CNTNAP4: variants seen among roughly 807,000 people sequenced by gnomAD.
CNTNAP4 encodes the protein contactin associated protein family member 4, also known as contactin-associated protein-like 4.
CNTNAP4 carries 98 observed loss-of-function variants against 148.4 expected under a neutral mutation model. The observed-to-expected ratio is 0.66, with a 90% CI of 0.56 to 0.78. CNTNAP4 has a LOEUF of 0.78. Ranked by LOEUF, CNTNAP4 falls within the 30% of genes least tolerant of loss-of-function variation. CNTNAP4 has a pLI of 0.00. For missense variants in CNTNAP4, 1,935 were observed against 1,565.6 expected, an observed-to-expected ratio of 1.24 and a Z score of -3.98; for synonymous variants, 730 against 565.1, an observed-to-expected ratio of 1.29 and a Z score of -4.14.
rs564119303 is a variant in CNTNAP4 at position 76,392,057 on chromosome 16, C to T, written c.391-35395C>T. Reference sequence around the variant, plus strand: ...CCAGGCTGGAGTGAAGTGGCACAATCTCGGCTCACTGCAACGAGTTCTGCC... The same window carrying T: ...CCAGGCTGGAGTGAAGTGGCACAATTTCGGCTCACTGCAACGAGTTCTGCC... On this transcript the variant is annotated intron_variant, in intron 3 of 23. Coordinates refer to ENST00000611870, the MANE Select transcript of CNTNAP4 (RefSeq NM_033401.5). Among the ~76,000 whole-genome samples, 4 of 152,290 alleles carry T rather than the reference C, an allele frequency of 2.6e-5. No individual in the cohort carries two copies. In the East Asian group the frequency reaches 5.8e-4, roughly 22 times the overall value.
In CNTNAP4 at chr16:76,489,767, G is replaced by A; in HGVS notation, c.1964G>A (p.Gly655Glu). The A allele has an allele frequency of 6.2e-7, 1 of 1,604,768 alleles. No individual in the cohort carries two copies. The highest frequency in any genetic ancestry group is 8.5e-7 in the Non-Finnish European group (1 of 1,175,296). The change falls in exon 13 of 24, where the codon GGG becomes GAG. Residue 655 changes from glycine to glutamate, a missense_variant. Gly to Glu is a moderately conservative substitution (Grantham distance 98). Transcript: ENST00000611870. The part of the protein sequence containing the change: ...RNTNPENPYA[G>E]FFEYVASMEQ... ...ACTAATCCAGAGAACCCATATGCTG[G>A]GTTTTTCGAGTATGTGGCCAGCATG...
chr16:76,353,532 C>A (rs572855373), intron 2 of CNTNAP4, among the ~76,000 whole-genome samples: 1 of 152,140 alleles, frequency 6.6e-6, no homozygotes, highest in Admixed American at 6.5e-5. Context: ...TCACCCTTTG[C>A]GGTTGTTAAG....
intron 7 of CNTNAP4, among the ~76,000 whole-genome samples, chr16:76,451,599 ATGTGTGTGTGTGTG>A (rs71134761): frequency 7.1e-6 from 1 of 141,362 alleles, no homozygotes; most frequent in East Asian, 2.1e-4. Context: ...TTTTAGATAG[ATGTGTGTGTGTGTG>A]TGTGTGTGTG....
intron 19 of CNTNAP4, among the ~76,000 whole-genome samples, chr16:76,538,641 A>C (rs959179223): frequency 6.6e-6 from 1 of 152,072 alleles, no homozygotes; most frequent in African/African-American, 2.4e-5. Context: ...CCATATGGCT[A>C]TCAATATTTG....
rs1249226777 is a variant in CNTNAP4 at position 76,509,397 on chromosome 16, C to T, written c.2365+10703C>T. 2.1e-5 allele frequency among the ~76,000 whole-genome samples: 2 copies of T among 97,018 alleles called. 1 individual carries two copies. The highest frequency in any genetic ancestry group is 5.8e-5 in the Non-Finnish European group (2 of 34,190). The allele number at this position is 97,018 out of a possible 152,430, so 63.6% of individuals were successfully genotyped here. On this transcript the variant is annotated intron_variant, in intron 15 of 23. Coordinates refer to ENST00000611870, the MANE Select transcript of CNTNAP4 (RefSeq NM_033401.5). ...TAAAGAATTGCCCTAGGTGGAGAAT[C>T]ACCACTTTAGACAAAATAATTTTAA...
intron 13 of CNTNAP4, 138 bp downstream of exon 13, chr16:76,490,021 G>A (rs972914192): frequency 1.5e-5 from 7 of 463,472 alleles, no homozygotes; most frequent in Non-Finnish European, 2.6e-5. Flanking sequence ...TAGTAAACAT[G>A]TCACAGTCTG....
intron 1 of CNTNAP4, among the ~76,000 whole-genome samples, chr16:76,285,869 G>T (rs1958859715): frequency 6.6e-6 from 1 of 151,612 alleles, no homozygotes; most frequent in Admixed American, 6.6e-5. Flanking sequence ...ACAGACATTT[G>T]ATTCCCTTGG....
intron 1 of CNTNAP4, among the ~76,000 whole-genome samples, chr16:76,300,599 A>C (rs1959856349): frequency 6.6e-6 from 1 of 152,232 alleles, no homozygotes; most frequent in African/African-American, 2.4e-5. Flanking sequence ...AAATGAGACC[A>C]ATGTCATCAG....
chr16:76,419,772 A>G (rs2079114698), intron 3 of CNTNAP4, among the ~76,000 whole-genome samples: 1 of 152,004 alleles, frequency 6.6e-6, no homozygotes, highest in South Asian at 2.1e-4. Flanking sequence ...AAGTCCGAGA[A>G]CAAGGTGCTA....
At chr16:76,482,900 G>T (rs765622704) in intron 12 of CNTNAP4, among the ~76,000 whole-genome samples, 4 of 152,104 alleles carry the variant, frequency 2.6e-5, no homozygotes, top group African/African-American at 4.8e-5. Flanking sequence ...TAGACTTCAT[G>T]GTTCTCAAAC....
intron 4 of CNTNAP4, among the ~76,000 whole-genome samples, chr16:76,442,244 A>G (rs1368606695): frequency 1.3e-5 from 2 of 152,136 alleles, no homozygotes; most frequent in Non-Finnish European, 2.9e-5. Flanking sequence ...GGTCTCTAAA[A>G]GGTAGAAAAG....
At chr16:76,511,632 T>G (rs2083028679) in intron 15 of CNTNAP4, among the ~76,000 whole-genome samples, 1 of 152,160 alleles carries the variant, frequency 6.6e-6, no homozygotes, top group South Asian at 2.1e-4. Flanking sequence ...TTATTTTAAC[T>G]TTTATATTTT....
intron 4 of CNTNAP4, among the ~76,000 whole-genome samples, chr16:76,436,396 C>T (rs1210295473): frequency 2.0e-5 from 3 of 152,122 alleles, no homozygotes; most frequent in African/African-American, 4.8e-5. Context: ...TTCATTTTAA[C>T]AGTAGACATG....
Position 76,560,239 on chromosome 16 carries a change from T to C in CNTNAP4, c.*1556T>C, listed in dbSNP as rs1376055266. ...TACACCAGAAGAATCGGGAAATATGTAAATTTAGCATTACTATCATCTTAT... is the reference window on the plus strand; with the variant it reads ...TACACCAGAAGAATCGGGAAATATGCAAATTTAGCATTACTATCATCTTAT... On this transcript the variant is annotated 3_prime_UTR_variant, in exon 24 of 24. Coordinates refer to ENST00000611870, the MANE Select transcript of CNTNAP4 (RefSeq NM_033401.5). Among the ~76,000 whole-genome samples the C allele has an allele frequency of 1.3e-5, 2 of 152,228 alleles. No homozygotes were observed. Among genetic ancestry groups the C allele is most frequent in the Non-Finnish European group, 2.9e-5 (2 of 68,038 alleles).
At chr16:76,418,396 T>C in intron 3 of CNTNAP4, among the ~76,000 whole-genome samples, 1 of 123,600 alleles carries the variant, frequency 8.1e-6, no homozygotes, top group South Asian at 2.7e-4. Flanking sequence ...TTTTCTTTTA[T>C]ATATATATAT....
chr16:76,340,729 G>A (rs1028912214), intron 2 of CNTNAP4, among the ~76,000 whole-genome samples: 8 of 152,264 alleles, frequency 5.3e-5, no homozygotes, highest in South Asian at 4.1e-4. Context: ...CTTTCGTGGC[G>A]TTTGCCTGCT....
At chr16:76,326,699 C>CA (rs903698975) in intron 2 of CNTNAP4, among the ~76,000 whole-genome samples, 10 of 136,728 alleles carry the variant, frequency 7.3e-5, no homozygotes, top group East Asian at 4.6e-4. Flanking sequence ...ATCACAAGGA[C>CA]AAAAAAACCA....
chr16:76,460,097 TG>T (rs2080884656), intron 8 of CNTNAP4, among the ~76,000 whole-genome samples: 3 of 152,112 alleles, frequency 2.0e-5, no homozygotes, highest in African/African-American at 7.2e-5. Context: ...TTTTTATTTT[TG>T]TTTTTTTTGT....
intron 3 of CNTNAP4, among the ~76,000 whole-genome samples, chr16:76,372,242 C>G (rs2014915487): frequency 6.6e-6 from 1 of 151,068 alleles, no homozygotes; most frequent in Non-Finnish European, 1.5e-5. Flanking sequence ...CAGGTCCATG[C>G]CATTCTCCTG....
Sources: gnomAD v4.1 joint callset for allele counts (sites outside exome capture counted in the v4.1 genomes callset) on GRCh38, gnomAD v4.1.1 for gene constraint, MANE v1.5 for transcripts, NCBI Gene and HGNC (gene_info 2026-07-23, HGNC 2026-07-21) for gene names.